The following GPR158 variants were observed in gnomAD, a reference collection of about 807,000 sequenced individuals.
GPR158 encodes the protein G protein-coupled receptor 158.
A neutral mutation model predicts 78.2 loss-of-function variants in GPR158; 30 were observed. The ratio of observed to expected loss-of-function variants is 0.38; its 90% CI spans 0.29 to 0.52. The LOEUF (loss-of-function observed/expected upper bound fraction) is 0.52, where lower values mean the gene tolerates loss of function less well. Ranked by LOEUF, GPR158 falls within the 20% of genes least tolerant of loss-of-function variation. The probability of loss-of-function intolerance (pLI) is 0.83; values close to 1 mark genes in which losing one functional copy is unlikely to be tolerated. For missense variants in GPR158, 1,463 were observed against 1,523.5 expected, an observed-to-expected ratio of 0.96 and a Z score of 0.66; for synonymous variants, 581 against 591.1, an observed-to-expected ratio of 0.98 and a Z score of 0.25.
intron 2 of GPR158, among the ~76,000 whole-genome samples, chr10:25,280,316 GA>G (rs1427688201): frequency 6.6e-6 from 1 of 152,240 alleles, no homozygotes; most frequent in East Asian, 1.9e-4. Context: ...AAAGAAAGCT[GA>G]GATACCTATC....
chr10:25,425,234 C>G (rs1310400128), intron 4 of GPR158, among the ~76,000 whole-genome samples: 2 of 151,980 alleles, frequency 1.3e-5, no homozygotes, highest in Admixed American at 6.6e-5. Flanking sequence ...GATTTTGTAT[C>G]CTGAGTTCTT....
rs1014888556 is a variant in GPR158, at chr10:25,584,283, T to C, written c.1754-4724T>C. ...ATTTGGTAACATCTGCATATTTTCT[T>C]TACTAATTGCAGTGCTAGTCTGAAG... is the stretch of plus-strand genomic sequence containing the variant. On this transcript the variant is annotated intron_variant, in intron 7 of 10. Coordinates refer to ENST00000376351, the MANE Select transcript of GPR158 (RefSeq NM_020752.3). 9.2e-5 allele frequency among the ~76,000 whole-genome samples: 14 copies of C among 152,354 alleles called. No individual in the cohort carries two copies. The Middle Eastern group carries it at 0.014, about 148-fold the overall frequency.
chr10:25,241,193 T>TCCTTTCTTTC (rs1554787153), intron 2 of GPR158, among the ~76,000 whole-genome samples: 2 of 101,658 alleles, frequency 2.0e-5, no homozygotes, highest in African/African-American at 1.1e-4. Context: ...TTCTTTCCTT[T>TCCTTTCTTTC]CTTTCTTTCC....
chr10:25,385,709 C>T (rs1438638354), intron 2 of GPR158, among the ~76,000 whole-genome samples: 1 of 152,066 alleles, frequency 6.6e-6, no homozygotes, highest in African/African-American at 2.4e-5. Flanking sequence ...TTGCATTTCT[C>T]TAAGTATTTA....
At chr10:25,567,905 C>T (rs1291575450) in intron 6 of GPR158, among the ~76,000 whole-genome samples, 5 of 151,774 alleles carry the variant, frequency 3.3e-5, no homozygotes, top group African/African-American at 1.2e-4. Context: ...GAGTTGGTGG[C>T]CAGGAGCTGT....
intron 2 of GPR158, among the ~76,000 whole-genome samples, chr10:25,236,369 G>A (rs564382624): frequency 2.6e-4 from 39 of 152,126 alleles, no homozygotes; most frequent in Non-Finnish European, 4.7e-4. Flanking sequence ...TTAGCTGGGC[G>A]TGGTGGTGGG....
chr10:25,343,539 G>A (rs1239788907), intron 2 of GPR158, among the ~76,000 whole-genome samples: 5 of 151,956 alleles, frequency 3.3e-5, no homozygotes, highest in African/African-American at 1.2e-4. Flanking sequence ...AAATCCTAGA[G>A]TTGGTGATCT....
intron 1 of GPR158, among the ~76,000 whole-genome samples, chr10:25,217,507 C>G (rs1564393928): frequency 6.6e-6 from 1 of 152,260 alleles, no homozygotes; most frequent in East Asian, 1.9e-4. Context: ...ACTTCAAGAG[C>G]TACAAACCAG....
intron 2 of GPR158, among the ~76,000 whole-genome samples, chr10:25,246,521 G>A (rs1853691692): frequency 6.6e-6 from 1 of 152,166 alleles, no homozygotes; most frequent in Non-Finnish European, 1.5e-5. Flanking sequence ...AATATTTACT[G>A]TTAGTTCAAT....
chr10:25,238,222 C>G (rs1853553843), intron 2 of GPR158, among the ~76,000 whole-genome samples: 1 of 152,190 alleles, frequency 6.6e-6, no homozygotes, highest in South Asian at 2.1e-4. Flanking sequence ...TTTCTTCACT[C>G]CATATCCTCC....
intron 2 of GPR158, among the ~76,000 whole-genome samples, chr10:25,232,375 T>C (rs1179472909): frequency 6.6e-6 from 1 of 152,160 alleles, no homozygotes; most frequent in African/African-American, 2.4e-5. Flanking sequence ...TGGTGGAAAG[T>C]TGTCAAAGCT....
chr10:25,521,060 T>A (rs1836263655), intron 5 of GPR158, among the ~76,000 whole-genome samples: 2 of 152,178 alleles, frequency 1.3e-5, no homozygotes, highest in African/African-American at 4.8e-5. Flanking sequence ...TGGGATATAG[T>A]CTCGTGGTGC....
rs190935080 is a variant in GPR158, at chr10:25,498,538, G to A, written c.1404+31819G>A. Reference sequence around the variant, plus strand: ...AAGGCTCTCCAGATGATTCTAATGCGCACCCAAGTTTGAGAATCACTTCTG... The same window carrying A: ...AAGGCTCTCCAGATGATTCTAATGCACACCCAAGTTTGAGAATCACTTCTG... On this transcript the variant is annotated intron_variant, in intron 5 of 10. Transcript: ENST00000376351. 2.2e-3 allele frequency among the ~76,000 whole-genome samples: 333 copies of A among 152,284 alleles called. 3 individuals carry two copies. The highest frequency in any genetic ancestry group is 7.6e-3 in the African/African-American group (314 of 41,554).
chr10:25,592,250 A>G (rs746748232), intron 8 of GPR158, among the ~76,000 whole-genome samples: 3 of 152,152 alleles, frequency 2.0e-5, no homozygotes, highest in Admixed American at 6.5e-5. Context: ...ACCTTTATTC[A>G]TACCAAATTG....
rs927302464 is a variant in GPR158 at position 25,252,148 on chromosome 10, T to C, written c.1008+30991T>C. On this transcript the variant is annotated intron_variant, in intron 2 of 10. Transcript: ENST00000376351. Reference sequence around the variant, plus strand: ...GCATTCTTCACATAGTTCTCGAGCCTTGGTTTTCAGCTCCATCAGCTCCTT... The same window carrying C: ...GCATTCTTCACATAGTTCTCGAGCCCTGGTTTTCAGCTCCATCAGCTCCTT... Among the ~76,000 whole-genome samples the C allele has an allele frequency of 8.2e-3, 1,253 of 152,212 alleles. 13 individuals are homozygous for C. Among genetic ancestry groups the C allele is most frequent in the African/African-American group, 0.029 (1,199 of 41,514 alleles).
intron 10 of GPR158, 33 bp from the exon 11 acceptor site, chr10:25,597,739 T>TTTGA (rs1368471781): frequency 2.0e-6 from 3 of 1,475,804 alleles, no homozygotes; most frequent in Non-Finnish European, 2.7e-6. Context: ...CACTAAATTC[T>TTTGA]ACACTTCTTT....
chr10:25,259,513 A>G, intron 2 of GPR158, among the ~76,000 whole-genome samples: 1 of 152,148 alleles, frequency 6.6e-6, no homozygotes, highest in Non-Finnish European at 1.5e-5. Context: ...TAGCTTTATT[A>G]TAAGATTTGC....
chr10:25,543,401 G>A (rs186842560), intron 5 of GPR158, among the ~76,000 whole-genome samples: 39 of 152,190 alleles, frequency 2.6e-4, no homozygotes, highest in African/African-American at 8.4e-4. Flanking sequence ...GATTACAGGC[G>A]TGAGCCACTG....
At chr10:25,330,014 C>CTT (rs58247937) in intron 2 of GPR158, among the ~76,000 whole-genome samples, 3,800 of 147,736 alleles carry the variant, frequency 0.026, 116 homozygotes, top group African/African-American at 0.072. Flanking sequence ...TGAGATAATT[C>CTT]TTTTTTTTTT....
Sources: gnomAD v4.1 joint callset for allele counts (sites outside exome capture counted in the v4.1 genomes callset) on GRCh38, gnomAD v4.1.1 for gene constraint, MANE v1.5 for transcripts, NCBI Gene and HGNC (gene_info 2026-07-23, HGNC 2026-07-21) for gene names.